MBTD1: variants seen among roughly 807,000 people sequenced by gnomAD.
MBTD1 encodes the protein mbt domain containing 1.
A neutral mutation model predicts 87.8 loss-of-function variants in MBTD1; 24 were observed. The observed-to-expected ratio is 0.27, with a 90% confidence interval of 0.20 to 0.38. The LOEUF (loss-of-function observed/expected upper bound fraction) is 0.38. Among genes scored for constraint, MBTD1 ranks in the 10% least tolerant of loss-of-function variants. The pLI is 1.00. For missense variants in MBTD1, 436 were observed against 760.2 expected, an observed-to-expected ratio of 0.57 and a Z score of 5.02; for synonymous variants, 237 against 248.6, an observed-to-expected ratio of 0.95 and a Z score of 0.44.
In MBTD1 at chr17:51,225,144, A is replaced by T; in HGVS notation, c.18T>A (p.Asp6Glu). The T allele has an allele frequency of 6.5e-7, 1 of 1,547,558 alleles. No homozygotes were observed. The highest frequency in any genetic ancestry group is 1.2e-5 in the South Asian group (1 of 83,214). ...TGCTGCTTGTGTCCTCACTGCAGCT[A>T]TCATAACCGTCAAACATCCCGAAAG... Reference protein sequence around the residue: MFDGYDSCSEDTSSSS... With the variant: MFDGYESCSEDTSSSS... Residue 6 changes from aspartate (D) to glutamate (E), a missense_variant, in exon 3 of 17, where the codon GAT becomes GAA. Coordinates refer to ENST00000586178, the MANE Select transcript of MBTD1 (RefSeq NM_017643.3).
At chr17:51,248,852 A>G (rs1428962708) in intron 2 of MBTD1, among the ~76,000 whole-genome samples, 1 of 152,214 alleles carries the variant, frequency 6.6e-6, no homozygotes, top group Non-Finnish European at 1.5e-5. Context: ...ACGGAAGTGC[A>G]ATGTCCTTTT....
intron 2 of MBTD1, among the ~76,000 whole-genome samples, chr17:51,254,477 C>T (rs2054968484): frequency 6.6e-6 from 1 of 152,122 alleles, no homozygotes; most frequent in Non-Finnish European, 1.5e-5. Flanking sequence ...AATAACCCAT[C>T]TAAAGAAATG....
chr17:51,235,918 T>A (rs2053803214), intron 2 of MBTD1, among the ~76,000 whole-genome samples: 1 of 152,142 alleles, frequency 6.6e-6, no homozygotes, highest in Non-Finnish European at 1.5e-5. Flanking sequence ...AGCTACAGTA[T>A]GAAGACAGTA....
chr17:51,234,003 T>C (rs1436817755), intron 2 of MBTD1, among the ~76,000 whole-genome samples: 1 of 151,876 alleles, frequency 6.6e-6, no homozygotes, highest in Non-Finnish European at 1.5e-5. Flanking sequence ...GAAAACAAAG[T>C]TGGTTTTTTG....
intron 2 of MBTD1, among the ~76,000 whole-genome samples, chr17:51,253,369 T>C (rs765838290): frequency 6.6e-5 from 10 of 152,114 alleles, no homozygotes; most frequent in East Asian, 1.9e-4. Flanking sequence ...CAAGAACCTA[T>C]GTAGAAGGAT....
chr17:51,257,301 T>G (rs2055147721), intron 2 of MBTD1, among the ~76,000 whole-genome samples: 1 of 152,228 alleles, frequency 6.6e-6, no homozygotes, highest in Non-Finnish European at 1.5e-5. Context: ...ATTTTAAAGA[T>G]GAAAAGCTGA....
chr17:51,194,580 A>G (rs1377305705), intron 13 of MBTD1, among the ~76,000 whole-genome samples: 4 of 148,800 alleles, frequency 2.7e-5, no homozygotes, highest in Non-Finnish European at 6.0e-5. Flanking sequence ...AAAAAAAAAA[A>G]AAAAAAAAAA....
intron 16 of MBTD1, among the ~76,000 whole-genome samples, chr17:51,189,815 C>T (rs555422857): frequency 6.6e-6 from 1 of 152,200 alleles, no homozygotes; most frequent in Non-Finnish European, 1.5e-5. Flanking sequence ...AATGAAGTTC[C>T]CATGTGAATT....
At chr17:51,227,874 C>T (rs1347002155) in intron 2 of MBTD1, among the ~76,000 whole-genome samples, 3 of 151,652 alleles carry the variant, frequency 2.0e-5, no homozygotes, top group Non-Finnish European at 4.4e-5. Flanking sequence ...ATCGCTTGAA[C>T]CCAGGAGGCA....
chr17:51,220,562 A>T, intron 3 of MBTD1, 99 bp from the exon 4 acceptor site: 1 of 1,200,202 alleles, frequency 8.3e-7, no homozygotes, highest in Non-Finnish European at 1.1e-6. Flanking sequence ...GAAAGTTTTA[A>T]TTAAAAAATT....
intron 16 of MBTD1, among the ~76,000 whole-genome samples, chr17:51,186,706 G>A (rs2050553170): frequency 2.0e-5 from 3 of 151,384 alleles, no homozygotes; most frequent in Admixed American, 6.6e-5. Flanking sequence ...CCTGGGAGGC[G>A]GAGCTTGCAG....
intron 6 of MBTD1, among the ~76,000 whole-genome samples, chr17:51,212,903 T>C (rs1465682925): frequency 6.6e-6 from 1 of 152,204 alleles, no homozygotes; most frequent in Non-Finnish European, 1.5e-5. Context: ...ATTTTTTTTC[T>C]ATTTTTAGTA....
Position 51,247,777 on chromosome 17 carries a change from A to G in MBTD1, c.-49+11366T>C, listed in dbSNP as rs149951804. 3.3e-4 allele frequency among the ~76,000 whole-genome samples: 50 copies of G among 152,306 alleles called. No homozygotes were observed. The East Asian group carries it at 8.9e-3, about 27-fold the overall frequency. The stretch of plus-strand genomic sequence containing the variant: ...GTATTACTCTTACGTCACAAAAATA[A>G]TTAGCTTTCCATTTTCTATACTCAT... On this transcript the variant is annotated intron_variant, in intron 2 of 16. Coordinates refer to ENST00000586178, the MANE Select transcript of MBTD1 (RefSeq NM_017643.3).
At chr17:51,238,429 T>A (rs907476757) in intron 2 of MBTD1, among the ~76,000 whole-genome samples, 10 of 152,150 alleles carry the variant, frequency 6.6e-5, no homozygotes, top group African/African-American at 2.4e-4. Context: ...GACGGTTGAT[T>A]TAGGAACTAC....
At chr17:51,193,169 T>G (rs2050893899) in intron 14 of MBTD1, among the ~76,000 whole-genome samples, 153 bp from the exon 15 acceptor site, 1 of 152,196 alleles carries the variant, frequency 6.6e-6, no homozygotes, top group African/African-American at 2.4e-5. Context: ...TTAAACATAG[T>G]ACGAAGGTGA....
intron 2 of MBTD1, 88 bp downstream of exon 2, chr17:51,259,055 C>A (rs978397205): frequency 1.3e-5 from 5 of 398,904 alleles, no homozygotes; most frequent in Non-Finnish European, 2.2e-5. Flanking sequence ...AGGCAGACAA[C>A]AATTAGAACT....
intron 2 of MBTD1, among the ~76,000 whole-genome samples, chr17:51,254,116 A>G (rs2054947148): frequency 6.6e-6 from 1 of 152,208 alleles, no homozygotes; most frequent in Non-Finnish European, 1.5e-5. Context: ...AATATTTTCT[A>G]GAATCTTAAA....
chr17:51,222,028 A>C (rs1012297247), intron 3 of MBTD1, among the ~76,000 whole-genome samples: 2 of 152,232 alleles, frequency 1.3e-5, no homozygotes, highest in East Asian at 3.9e-4. Context: ...AAATTCTAGA[A>C]TAGATTGTTA....
chr17:51,243,714 A>G (rs2054280961), intron 2 of MBTD1, among the ~76,000 whole-genome samples: 1 of 152,216 alleles, frequency 6.6e-6, no homozygotes, highest in African/African-American at 2.4e-5. Flanking sequence ...TTTTTTAGAT[A>G]CAGGGTCTCC....
Sources: gnomAD v4.1 joint callset for allele counts (sites outside exome capture counted in the v4.1 genomes callset) on GRCh38, gnomAD v4.1.1 for gene constraint, MANE v1.5 for transcripts, NCBI Gene and HGNC (gene_info 2026-07-23, HGNC 2026-07-21) for gene names.